Variants in FCRL4 observed in about 807,000 individuals in gnomAD.
FCRL4 encodes the protein Fc receptor like 4, also known as Fc receptor-like protein 4.
FCRL4 carries 43 observed loss-of-function variants against 64.1 expected under a neutral mutation model. That is an observed-to-expected ratio of 0.67 (90% CI 0.53 to 0.87). The LOEUF (loss-of-function observed/expected upper bound fraction) is 0.87. Ranked by LOEUF, FCRL4 falls within the 40% of genes least tolerant of loss-of-function variation. FCRL4 has a pLI of 0.00. For missense variants in FCRL4, 656 were observed against 613.5 expected (o/e 1.07, Z -0.73); for synonymous variants, 253 against 239.8 (o/e 1.05, Z -0.51).
chr1:157,591,997 C>T (rs1248267246), intron 2 of FCRL4, among the ~76,000 whole-genome samples: 2 of 152,050 alleles, frequency 1.3e-5, no homozygotes, highest in Non-Finnish European at 2.9e-5. Flanking sequence ...AATGGGGAAA[C>T]GATTCCCTAT....
intron 3 of FCRL4, among the ~76,000 whole-genome samples, 154 bp from the exon 4 acceptor site, chr1:157,588,273 A>G (rs1466595455): frequency 6.6e-6 from 1 of 152,250 alleles, no homozygotes; most frequent in African/African-American, 2.4e-5. Flanking sequence ...TCAGTGTAAC[A>G]TGCTTCAGGT....
intron 2 of FCRL4, among the ~76,000 whole-genome samples, chr1:157,595,317 T>C (rs1024682258): frequency 7.9e-5 from 12 of 152,382 alleles, no homozygotes; most frequent in African/African-American, 2.6e-4. Flanking sequence ...CCCTACCAGC[T>C]ATATTCCTGG....
At position 157,596,357 on chromosome 1, in the gene FCRL4, G is replaced by C. The variant is rs1414254101; in HGVS notation, c.32-9C>G. 2 of 1,613,980 alleles carry C rather than the reference G, an allele frequency of 1.2e-6. No individual in the cohort carries two copies. Among genetic ancestry groups the C allele is most frequent in the Non-Finnish European group, 1.7e-6 (2 of 1,179,916 alleles). ...TTGTCCACAGACTGGAGCTGAAAGA[G>C]AGTAAAGAGCCAGCCATCAGCGTAG... On this transcript the variant is annotated splice_polypyrimidine_tract_variant and intron_variant, in intron 1 of 11. Transcript: ENST00000271532.
Position 157,575,370 on chromosome 1 carries a change from T to G in FCRL4, c.*154A>C. On this transcript the variant is annotated 3_prime_UTR_variant, in exon 12 of 12. Coordinates refer to ENST00000271532, the MANE Select transcript of FCRL4 (RefSeq NM_031282.3). ...CCATCCCAACATCAGAGTAGACGAA[T>G]GAGTATTCCTGGGAGTGAATGCATA... is the stretch of plus-strand genomic sequence containing the variant. 4.7e-6 allele frequency: 3 copies of G among 635,568 alleles called. No homozygotes were observed. The highest frequency in any genetic ancestry group is 2.8e-6 in the Non-Finnish European group (1 of 354,794). The allele number at this position is 635,568 out of a possible 1,614,324, so 39.4% of individuals were successfully genotyped here.
intron 2 of FCRL4, among the ~76,000 whole-genome samples, chr1:157,595,327 G>A (rs1416159849): frequency 1.3e-5 from 2 of 152,318 alleles, no homozygotes; most frequent in East Asian, 3.9e-4. Context: ...TATATTCCTG[G>A]GAAGCACCTG....
In FCRL4 at chr1:157,587,454, G is replaced by A. The variant is rs1396120187; in HGVS notation, c.669C>T (p.Thr223=). Residue 223 remains threonine, a synonymous_variant, in exon 5 of 12, where the codon ACC becomes ACT. Coordinates refer to ENST00000271532, the MANE Select transcript of FCRL4 (RefSeq NM_031282.3). The part of the protein sequence containing the change: ...ETQLPPERSD[T]PLHFNFFRDG... ...CTCTGAAGAAGTTGAAGTGAAGTGG[G>A]GTGTCTGACCGCTCTGGAGGAAGCT... The A allele has an allele frequency of 1.9e-6, 3 of 1,614,104 alleles. No homozygotes were observed. The highest frequency in any genetic ancestry group is 2.5e-6 in the Non-Finnish European group (3 of 1,180,046).
intron 2 of FCRL4, among the ~76,000 whole-genome samples, chr1:157,590,796 C>T (rs1039218811): frequency 2.0e-5 from 3 of 152,160 alleles, no homozygotes. Context: ...GAATTGCAGG[C>T]GTGAGCCACC....
At chr1:157,580,433 G>GGTAA in intron 7 of FCRL4, 85 bp from the exon 8 acceptor site, 1 of 1,423,138 alleles carries the variant, frequency 7.0e-7, no homozygotes, top group South Asian at 1.2e-5. Context: ...ATCTAAGAGA[G>GGTAA]GTAATCAAGA....
chr1:157,590,903 G>T (rs1189802896), intron 2 of FCRL4, among the ~76,000 whole-genome samples: 4 of 152,098 alleles, frequency 2.6e-5, no homozygotes, highest in Admixed American at 2.6e-4. Flanking sequence ...CCCTCTTAAG[G>T]TTTGCTGAAA....
rs112614204 is a variant in FCRL4 at position 157,580,392 on chromosome 1, T to G, written c.1250-44A>C. The G allele has an allele frequency of 1.1e-3, 1,851 of 1,610,548 alleles. 7 individuals carry two copies. The highest frequency in any genetic ancestry group is 8.4e-3 in the Middle Eastern group (51 of 6,054). On this transcript the variant is annotated intron_variant, in intron 7 of 11. Transcript: ENST00000271532. ...ACGCATTTTTGTCAGCAGAGGGAGCTCTTTCTCAATGACTTCATGTAACAG... is the reference window on the plus strand; with the variant it reads ...ACGCATTTTTGTCAGCAGAGGGAGCGCTTTCTCAATGACTTCATGTAACAG...
At chr1:157,586,671 A>G (rs1199810684) in intron 5 of FCRL4, among the ~76,000 whole-genome samples, 3 of 152,188 alleles carry the variant, frequency 2.0e-5, no homozygotes, top group African/African-American at 4.8e-5. Flanking sequence ...GGAAAGAAAA[A>G]AGGACTAACC....
At chr1:157,586,526 G>A in intron 5 of FCRL4, 71 bp from the exon 6 acceptor site, 1 of 1,437,348 alleles carries the variant, frequency 7.0e-7, no homozygotes, top group Non-Finnish European at 9.4e-7. Context: ...TGGGGTGTTG[G>A]GCAGGGTTAC....
At chr1:157,596,443 A>C in intron 1 of FCRL4, 95 bp from the exon 2 acceptor site, 1 of 1,374,618 alleles carries the variant, frequency 7.3e-7, no homozygotes, top group Non-Finnish European at 1.0e-6. Flanking sequence ...CTTCCAACCA[A>C]GAGGAAGAGA....
chr1:157,581,764 C>T, intron 6 of FCRL4, 120 bp from the exon 7 acceptor site: 1 of 718,522 alleles, frequency 1.4e-6, no homozygotes, highest in African/African-American at 1.8e-5. Context: ...GACTAGGTCT[C>T]ATAAAGACAT....
At chr1:157,584,949 G>A (rs1190548399) in intron 6 of FCRL4, among the ~76,000 whole-genome samples, 1 of 152,138 alleles carries the variant, frequency 6.6e-6, no homozygotes, top group East Asian at 1.9e-4. Context: ...AACAGGTTAT[G>A]TCCCAGAAAT....
chr1:157,587,156 G>T, intron 5 of FCRL4, 120 bp downstream of exon 5: 2 of 1,124,478 alleles, frequency 1.8e-6, no homozygotes, highest in Non-Finnish European at 2.6e-6. Context: ...TGCACTTCTT[G>T]GCCTAAGCCT....
chr1:157,586,107 C>T (rs2101681490), intron 6 of FCRL4, 61 bp downstream of exon 6: 4 of 1,491,566 alleles, frequency 2.7e-6, no homozygotes, highest in South Asian at 2.5e-5. Flanking sequence ...TTAGCTATCC[C>T]CACCCTTAAT....
At chr1:157,589,180 C>T (rs887884233) in intron 3 of FCRL4, 24 bp downstream of exon 3, 2 of 1,607,024 alleles carry the variant, frequency 1.2e-6, no homozygotes, top group African/African-American at 1.3e-5. Flanking sequence ...TATAAAGTTT[C>T]AACTAATTCA....
chr1:157,595,756 A>G (rs1652947898), intron 2 of FCRL4, among the ~76,000 whole-genome samples: 1 of 152,200 alleles, frequency 6.6e-6, no homozygotes, highest in African/African-American at 2.4e-5. Flanking sequence ...TGGCTCCAGC[A>G]GCTCCTAGGG....
Sources: gnomAD v4.1 joint callset for allele counts (sites outside exome capture counted in the v4.1 genomes callset) on GRCh38, gnomAD v4.1.1 for gene constraint, MANE v1.5 for transcripts, NCBI Gene and HGNC (gene_info 2026-07-23, HGNC 2026-07-21) for gene names.